BBS7: variants seen among roughly 807,000 people sequenced by gnomAD.
The protein encoded by BBS7 is BBSome complex member BBS7.
A neutral mutation model predicts 90.3 loss-of-function variants in BBS7; 50 were observed. The observed-to-expected ratio is 0.55, with a 90% CI of 0.44 to 0.70. The LOEUF (loss-of-function observed/expected upper bound fraction) is 0.70, where lower values mean the gene tolerates loss of function less well. Among genes scored for constraint, BBS7 ranks in the 30% least tolerant of loss-of-function variants. The pLI is 0.00. For synonymous variants in BBS7, 235 were observed against 287.4 expected (o/e 0.82, Z 1.85); for missense variants, 729 against 838.9 (o/e 0.87, Z 1.62).
chr4:121,830,468 T>G (rs1277908359), intron 15 of BBS7, among the ~76,000 whole-genome samples: 2 of 152,204 alleles, frequency 1.3e-5, no homozygotes, highest in Admixed American at 6.5e-5. Flanking sequence ...ACTACTTTGA[T>G]CTCAATTATG....
Position 121,833,225 on chromosome 4 carries a change from A to T in BBS7, c.1676+6T>A. Reference sequence around the variant, plus strand: ...CACTTGTGAACCAGTAATAAGTTAGATTTACCTGTAGGTACTTTCAAGTTG... The same window carrying T: ...CACTTGTGAACCAGTAATAAGTTAGTTTTACCTGTAGGTACTTTCAAGTTG... On this transcript the variant is annotated splice_donor_region_variant and intron_variant, in intron 15 of 18. Transcript: ENST00000264499. 6.2e-7 allele frequency: 1 copy of T among 1,613,446 alleles called. No homozygotes were observed. The highest frequency in any genetic ancestry group is 2.2e-5 in the East Asian group (1 of 44,838).
At chr4:121,841,968 C>T (rs6835864) in intron 12 of BBS7, among the ~76,000 whole-genome samples, 109,065 of 151,970 alleles carry the variant, frequency 0.72, 39,238 homozygotes, top group Admixed American at 0.79. Flanking sequence ...TATTGAAAAA[C>T]AGGCTGGGCA....
intron 8 of BBS7, among the ~76,000 whole-genome samples, chr4:121,849,750 G>C (rs908104072): frequency 4.6e-5 from 7 of 152,020 alleles, no homozygotes; most frequent in African/African-American, 1.7e-4. Flanking sequence ...GAATCACTTC[G>C]ACCCGGAAGG....
intron 18 of BBS7, 24 bp downstream of exon 18, chr4:121,828,122 G>C: frequency 6.2e-7 from 1 of 1,611,806 alleles, no homozygotes; most frequent in Non-Finnish European, 8.5e-7. Flanking sequence ...AATATGGCAA[G>C]GTATTCTAGA....
intron 4 of BBS7, among the ~76,000 whole-genome samples, chr4:121,860,656 G>T (rs529973693): frequency 6.6e-6 from 1 of 152,198 alleles, no homozygotes; most frequent in East Asian, 1.9e-4. Flanking sequence ...TATTTCAAAA[G>T]TGTTACTATT....
At chr4:121,841,675 T>C (rs1425673969) in intron 12 of BBS7, among the ~76,000 whole-genome samples, 1 of 152,208 alleles carries the variant, frequency 6.6e-6, no homozygotes, top group African/African-American at 2.4e-5. Context: ...CATACGTTTT[T>C]TTAAAGCCAT....
intron 1 of BBS7, among the ~76,000 whole-genome samples, chr4:121,868,652 G>A (rs1727411660): frequency 8.8e-6 from 1 of 113,200 alleles, no homozygotes; most frequent in African/African-American, 3.4e-5. Flanking sequence ...CTGTACTCCA[G>A]ACTGGCTGCG....
intron 13 of BBS7, among the ~76,000 whole-genome samples, chr4:121,838,652 CTT>C (rs1335668877): frequency 2.6e-5 from 4 of 151,672 alleles, no homozygotes; most frequent in Admixed American, 6.6e-5. Context: ...TGCCCAGATA[CTT>C]TAATAACTAA....
chr4:121,858,139 G>C (rs112798642), intron 5 of BBS7, among the ~76,000 whole-genome samples: 1,684 of 152,138 alleles, frequency 0.011, 21 homozygotes, highest in Non-Finnish European at 0.018. Context: ...TTGTCCCTGG[G>C]GGGTAAAAAC....
At position 121,828,509 on chromosome 4, in the gene BBS7, G is replaced by A; in HGVS notation, c.1787-4C>T. Reference sequence around the variant, plus strand: ...TTGACTGATACTTCATTTATCTCTAGAAGGAGTTGACCAGATGCAGTTAGA... The same window carrying A: ...TTGACTGATACTTCATTTATCTCTAAAAGGAGTTGACCAGATGCAGTTAGA... On this transcript the variant is annotated splice_region_variant and splice_polypyrimidine_tract_variant and intron_variant, in intron 16 of 18. Transcript: ENST00000264499. The A allele has an allele frequency of 6.2e-7, 1 of 1,609,152 alleles. No individual in the cohort carries two copies. Among genetic ancestry groups the A allele is most frequent in the Non-Finnish European group, 8.5e-7 (1 of 1,175,610 alleles).
chr4:121,868,244 A>C (rs1480005511), intron 1 of BBS7, among the ~76,000 whole-genome samples, 198 bp from the exon 2 acceptor site: 1 of 152,230 alleles, frequency 6.6e-6, no homozygotes, highest in Non-Finnish European at 1.5e-5. Flanking sequence ...TTTATCCTAT[A>C]AAGTTGTCAA....
In BBS7 at chr4:121,845,608, C is replaced by T. The variant is rs1725967472; in HGVS notation, c.1126G>A (p.Val376Ile). 3 of 1,612,564 alleles carry T rather than the reference C, an allele frequency of 1.9e-6. No individual in the cohort carries two copies. The highest frequency in any genetic ancestry group is 2.2e-5 in the South Asian group (2 of 91,062). The change falls in exon 11 of 19, where the codon GTA becomes ATA. Residue 376 changes from valine to isoleucine, a missense_variant. Physicochemically the swap from Val to Ile is conservative, Grantham distance 29. Coordinates refer to ENST00000264499, the MANE Select transcript of BBS7 (RefSeq NM_176824.3). ...TTATCATTTATACCAAAGGAAGGTA[C>T]TGCTGATTTTGCTTTGCTTGATTGA... ...SSQSSKAKSA[V>I]PSFGINDKFT...
chr4:121,833,821 G>A (rs1396027784), intron 14 of BBS7, among the ~76,000 whole-genome samples: 1 of 151,850 alleles, frequency 6.6e-6, no homozygotes, highest in African/African-American at 2.4e-5. Flanking sequence ...GGGATTACAG[G>A]TGTGAGCCAC....
chr4:121,834,271 G>A (rs1011878497), intron 14 of BBS7, among the ~76,000 whole-genome samples: 4 of 152,192 alleles, frequency 2.6e-5, no homozygotes, highest in Admixed American at 2.6e-4. Context: ...GGAACAGATT[G>A]TAATCCAAGT....
intron 4 of BBS7, 114 bp downstream of exon 4, chr4:121,861,390 T>C: frequency 5.1e-6 from 5 of 989,154 alleles, no homozygotes; most frequent in Non-Finnish European, 7.4e-6. Flanking sequence ...AAAATACCTT[T>C]AGTTAATTTT....
chr4:121,844,055 C>A lies in BBS7; in HGVS notation c.1231-54G>T. The stretch of plus-strand genomic sequence containing the variant: ...TTGAGATGGAAAACCTAAAAATGTT[C>A]ATAAATTATGTTTTCTCTAAGAGTT... On this transcript the variant is annotated intron_variant, in intron 11 of 18. Transcript: ENST00000264499. The A allele has an allele frequency of 3.6e-6, 4 of 1,122,108 alleles. No homozygotes were observed. The South Asian group carries it at 5.5e-5, about 15-fold the overall frequency. 69.5% of individuals were successfully genotyped at this position (1,122,108 alleles called of 1,614,324 possible).
chr4:121,833,483 A>G, intron 14 of BBS7, 88 bp from the exon 15 acceptor site: 1 of 1,178,234 alleles, frequency 8.5e-7, no homozygotes, highest in Non-Finnish European at 1.3e-6. Flanking sequence ...ATTTTGTAAT[A>G]GTTGTTAAAT....
At chr4:121,861,248 T>C (rs116192688) in intron 4 of BBS7, 5,998 of 315,538 alleles carry the variant, frequency 0.019, 89 homozygotes, top group Non-Finnish European at 0.027. Flanking sequence ...TTCAATTTTT[T>C]TGATACCTTG....
chr4:121,853,693 C>T (rs910849728), intron 7 of BBS7, among the ~76,000 whole-genome samples: 1 of 152,014 alleles, frequency 6.6e-6, no homozygotes, highest in African/African-American at 2.4e-5. Context: ...CCAGTTTTGA[C>T]CTGTTGCCCC....
Sources: allele counts gnomAD v4.1 joint callset (sites outside exome capture counted in the v4.1 genomes callset), GRCh38; gene constraint gnomAD v4.1.1; transcripts MANE v1.5; gene names NCBI Gene and HGNC (gene_info 2026-07-23, HGNC 2026-07-21).